The following DNAH7 variants were observed in gnomAD, a reference collection of about 807,000 sequenced individuals.
The protein encoded by DNAH7 is axonemal beta dynein heavy chain 7.
DNAH7 carries 397 observed loss-of-function variants against 444.6 expected under a neutral mutation model. The ratio of observed to expected loss-of-function variants is 0.89; its 90% CI spans 0.82 to 0.97. DNAH7 has a LOEUF of 0.97. DNAH7 is among the 50% of genes least tolerant of loss of function. The probability of loss-of-function intolerance (pLI) is 0.00; values close to 1 mark genes in which losing one functional copy is unlikely to be tolerated. For synonymous variants in DNAH7, 1,636 were observed against 1,624.4 expected, an observed-to-expected ratio of 1.01 and a Z score of -0.17; for missense variants, 4,902 against 4,800.8, an observed-to-expected ratio of 1.02 and a Z score of -0.62.
rs1297812101 is a variant in DNAH7, at chr2:195,816,755, TG to T, written c.9633del (p.Ile3212SerfsTer9). 3 of 1,614,144 alleles carry T rather than the reference TG, an allele frequency of 1.9e-6. No individual in the cohort carries two copies. In the East Asian group the frequency reaches 6.7e-5, roughly 36 times the overall value. On this transcript the variant is annotated frameshift_variant, in exon 51 of 65. Transcript: ENST00000312428. LOFTEE classifies it high-confidence loss of function. Reference sequence around the variant, plus strand: ...AAATCAGCAAGAGAAAAAAATAGGATGGAAGAATGGATGGCAATAGGACGAT... The same window carrying T: ...AAATCAGCAAGAGAAAAAAATAGGATGAAGAATGGATGGCAATAGGACGAT... Reference protein sequence around the residue: ...MGYRPIAIHSSILFFSLADLA... With the variant: ...MGYRPIAIHSXILFFSLADLA...
chr2:195,831,984 T>A (rs758837660), intron 48 of DNAH7, among the ~76,000 whole-genome samples: 5 of 152,192 alleles, frequency 3.3e-5, no homozygotes, highest in Non-Finnish European at 7.4e-5. Context: ...GATTTCAAAC[T>A]TTTCTGGCCA....
At chr2:195,947,340 A>G (rs1299999690) in intron 19 of DNAH7, among the ~76,000 whole-genome samples, 1 of 151,896 alleles carries the variant, frequency 6.6e-6, no homozygotes, top group Non-Finnish European at 1.5e-5. Context: ...CATGTGCAGA[A>G]CGTGCAGGTT....
At chr2:195,931,031 C>T (rs1688656949) in intron 21 of DNAH7, among the ~76,000 whole-genome samples, 1 of 151,928 alleles carries the variant, frequency 6.6e-6, no homozygotes. Flanking sequence ...GGGACTACTA[C>T]AAGGAGGAGG....
rs747777418 is a variant in DNAH7 at position 195,738,028 on chromosome 2, T to C, written c.11968A>G (p.Thr3990Ala). The C allele has an allele frequency of 6.2e-7, 1 of 1,614,024 alleles. No homozygotes were observed. ...TSERRGVLST[T>A]GHSTNFVIAM... ...ATCACAAAATTCGTGGAATGGCCAG[T>C]GGTGGATAATACTCCTCTCCGCTCA... The change falls in exon 65 of 65, where the codon ACT becomes GCT. Residue 3990 changes from threonine to alanine, a missense_variant. Thr to Ala is a moderately conservative substitution (Grantham distance 58, BLOSUM62 0). Coordinates refer to ENST00000312428, the MANE Select transcript of DNAH7 (RefSeq NM_018897.3).
chr2:195,907,600 T>A (rs1266605444), intron 25 of DNAH7, among the ~76,000 whole-genome samples: 1 of 152,050 alleles, frequency 6.6e-6, no homozygotes, highest in African/African-American at 2.4e-5. Flanking sequence ...ATACATTTTA[T>A]AGATTGTGTG....
chr2:195,832,527 T>C (rs1487395934), intron 48 of DNAH7, among the ~76,000 whole-genome samples: 1 of 151,730 alleles, frequency 6.6e-6, no homozygotes, highest in Non-Finnish European at 1.5e-5. Context: ...ACTGCAGCCT[T>C]GACATCTTGG....
chr2:195,759,909 C>T (rs903696652), intron 61 of DNAH7, among the ~76,000 whole-genome samples: 30 of 152,102 alleles, frequency 2.0e-4, no homozygotes, highest in African/African-American at 6.5e-4. Context: ...AACTCCTGGC[C>T]TCAAGCAATC....
intron 8 of DNAH7, among the ~76,000 whole-genome samples, chr2:196,021,119 TAATGTTCCC>T (rs1559342574): frequency 6.6e-6 from 1 of 152,288 alleles, no homozygotes; most frequent in South Asian, 2.1e-4. Flanking sequence ...ATATATTCTG[TAATGTTCCC>T]AATGTTCCCA....
At chr2:195,880,623 C>T (rs1343154693) in intron 36 of DNAH7, among the ~76,000 whole-genome samples, 2 of 152,156 alleles carry the variant, frequency 1.3e-5, no homozygotes, top group Non-Finnish European at 2.9e-5. Flanking sequence ...CAGGCGTGAG[C>T]CACTGCGCCC....
At chr2:195,809,520 A>G (rs1397517782) in intron 52 of DNAH7, among the ~76,000 whole-genome samples, 1 of 152,148 alleles carries the variant, frequency 6.6e-6, no homozygotes, top group Non-Finnish European at 1.5e-5. Flanking sequence ...AATTTATTTT[A>G]AAATAAAACA....
chr2:195,991,011 T>C (rs1023353314), intron 12 of DNAH7, among the ~76,000 whole-genome samples: 11 of 146,940 alleles, frequency 7.5e-5, no homozygotes, highest in African/African-American at 2.5e-4. Flanking sequence ...AATCATTTTA[T>C]TGATACTTTA....
At chr2:195,790,476 A>AAG (rs975022310) in intron 57 of DNAH7, among the ~76,000 whole-genome samples, 13 of 151,648 alleles carry the variant, frequency 8.6e-5, no homozygotes, top group Admixed American at 7.9e-4. Flanking sequence ...AAAAAAAAAA[A>AAG]AAAAAGAAAA....
chr2:195,960,425 AT>A lies in DNAH7; in HGVS notation c.2725del (p.Ile909LeufsTer55). On this transcript the variant is annotated frameshift_variant, in exon 18 of 65. Transcript: ENST00000312428. LOFTEE classifies it high-confidence loss of function. ...YSLEKAMEKM[I>X]TEWDAVEFVI... The stretch of plus-strand genomic sequence containing the variant: ...AAATTCCACTGCATCCCACTCAGTA[AT>A]CATCTTCTCCATCGCCTTTTCAAGA... The A allele has an allele frequency of 6.2e-7, 1 of 1,614,182 alleles. No individual in the cohort carries two copies. The highest frequency in any genetic ancestry group is 8.5e-7 in the Non-Finnish European group (1 of 1,180,020).
chr2:195,922,315 G>A (rs1346201119), intron 23 of DNAH7, 118 bp from the exon 24 acceptor site: 4 of 608,558 alleles, frequency 6.6e-6, no homozygotes, highest in Non-Finnish European at 2.9e-6. Context: ...CTTTTCAGGT[G>A]TCATTTGATT....
chr2:195,798,147 A>AT (rs1002216799), intron 55 of DNAH7, among the ~76,000 whole-genome samples: 8 of 151,738 alleles, frequency 5.3e-5, no homozygotes, highest in Non-Finnish European at 1.0e-4. Flanking sequence ...CCTTATATCA[A>AT]TTTTTTTTGG....
chr2:195,788,949 C>A (rs759249143), intron 57 of DNAH7, among the ~76,000 whole-genome samples: 33 of 152,148 alleles, frequency 2.2e-4, no homozygotes, highest in Non-Finnish European at 4.7e-4. Context: ...GTTCTCTCCA[C>A]TGAAAGAGTC....
chr2:196,065,239 G>T (rs1698364660), intron 1 of DNAH7, among the ~76,000 whole-genome samples: 1 of 152,072 alleles, frequency 6.6e-6, no homozygotes, highest in African/African-American at 2.4e-5. Context: ...TCTCTCTTTT[G>T]AACACAATGT....
At chr2:195,746,829 T>C (rs1693444606) in intron 63 of DNAH7, among the ~76,000 whole-genome samples, 1 of 152,124 alleles carries the variant, frequency 6.6e-6, no homozygotes, top group African/African-American at 2.4e-5. Context: ...CCAGAATCTC[T>C]GGGACACATT....
chr2:195,765,880 T>C (rs1694550917), intron 61 of DNAH7, among the ~76,000 whole-genome samples: 1 of 152,098 alleles, frequency 6.6e-6, no homozygotes, highest in Admixed American at 6.6e-5. Context: ...CTGCTATATA[T>C]ACCCAAAGAA....
Sources: gnomAD v4.1 joint callset for allele counts (sites outside exome capture counted in the v4.1 genomes callset) on GRCh38, gnomAD v4.1.1 for gene constraint, MANE v1.5 for transcripts, NCBI Gene and HGNC (gene_info 2026-07-23, HGNC 2026-07-21) for gene names.